Variants in LEMD1 observed in about 807,000 individuals in gnomAD.
The protein encoded by LEMD1 is LEM domain-containing protein 1.
A neutral mutation model predicts 17.4 loss-of-function variants in LEMD1; 18 were observed. The ratio of observed to expected loss-of-function variants is 1.04; its 90% CI spans 0.72 to 1.54. The LOEUF (loss-of-function observed/expected upper bound fraction) is 1.54. Among genes scored for constraint, LEMD1 ranks in the 40% most tolerant of loss-of-function variants. The pLI is 0.00. For missense variants in LEMD1, 195 were observed against 210.4 expected (o/e 0.93, Z 0.45); for synonymous variants, 88 against 77.8 (o/e 1.13, Z -0.69).
chr1:205,408,979 AG>A (rs1291064737), intron 4 of LEMD1, among the ~76,000 whole-genome samples: 1 of 152,022 alleles, frequency 6.6e-6, no homozygotes, highest in African/African-American at 2.4e-5. Flanking sequence ...CTGAGACCAC[AG>A]GTGTGCACCA....
chr1:205,405,390 CT>C (rs1255909543), intron 4 of LEMD1, among the ~76,000 whole-genome samples: 2 of 145,998 alleles, frequency 1.4e-5, no homozygotes, highest in Non-Finnish European at 3.0e-5. Flanking sequence ...TTCTTGGAGG[CT>C]TTGTTCGTTT....
intron 1 of LEMD1, among the ~76,000 whole-genome samples, chr1:205,420,817 G>T (rs549269859): frequency 6.6e-6 from 1 of 152,136 alleles, no homozygotes; most frequent in African/African-American, 2.4e-5. Flanking sequence ...AGTTACAACT[G>T]TTCTGTTCAA....
intron 4 of LEMD1, among the ~76,000 whole-genome samples, chr1:205,397,488 A>C (rs746264251): frequency 5.3e-5 from 8 of 152,216 alleles, no homozygotes; most frequent in Non-Finnish European, 1.0e-4. Context: ...ACACACCTGT[A>C]GTCTTAGCTG....
At chr1:205,394,954 T>C (rs1664520400) in intron 4 of LEMD1, among the ~76,000 whole-genome samples, 1 of 151,156 alleles carries the variant, frequency 6.6e-6, no homozygotes, top group Non-Finnish European at 1.5e-5. Flanking sequence ...CCTACTGCAC[T>C]ACAGCCTGGG....
chr1:205,420,698 C>A, intron 1 of LEMD1, 124 bp from the exon 2 acceptor site: 3 of 597,598 alleles, frequency 5.0e-6, no homozygotes, highest in Non-Finnish European at 3.0e-6. Flanking sequence ...GGCAATAAAG[C>A]AAAAATCAAC....
intron 1 of LEMD1, among the ~76,000 whole-genome samples, chr1:205,427,497 GAGAGAGAGAGAC>G (rs1666072908): frequency 6.6e-6 from 1 of 151,682 alleles, no homozygotes; most frequent in African/African-American, 2.4e-5. Context: ...GAGAGAGAGA[GAGAGAGAGAGAC>G]AGAGAGAGAG....
At chr1:205,409,605 CT>C (rs55893508) in intron 4 of LEMD1, among the ~76,000 whole-genome samples, 44,995 of 145,482 alleles carry the variant, frequency 0.31, 6,763 homozygotes, top group African/African-American at 0.36. Context: ...GCTCTACAGT[CT>C]TTTTTTTTTT....
chr1:205,415,129 G>T (rs1029194498), intron 4 of LEMD1, among the ~76,000 whole-genome samples: 27 of 152,180 alleles, frequency 1.8e-4, no homozygotes, highest in African/African-American at 6.0e-4. Context: ...GCTGAAATGT[G>T]CATGGTCATT....
chr1:205,427,996 G>T (rs944737919), intron 1 of LEMD1, among the ~76,000 whole-genome samples: 1 of 152,216 alleles, frequency 6.6e-6, no homozygotes, highest in Non-Finnish European at 1.5e-5. Flanking sequence ...AGTATGGAAG[G>T]CAATTGGGTG....
intron 1 of LEMD1, among the ~76,000 whole-genome samples, chr1:205,442,454 C>A (rs1666310693): frequency 6.6e-6 from 1 of 152,190 alleles, no homozygotes; most frequent in South Asian, 2.1e-4. Flanking sequence ...GACAACCTTG[C>A]CCTTTTGGAA....
chr1:205,413,172 TTTTGCCA>T (rs1157822307), intron 4 of LEMD1, among the ~76,000 whole-genome samples: 4 of 152,208 alleles, frequency 2.6e-5, no homozygotes, highest in African/African-American at 9.6e-5. Flanking sequence ...AAACTAACCT[TTTTGCCA>T]TTGGAGCTGT....
At chr1:205,391,752 G>A (rs1347825963) in intron 4 of LEMD1, among the ~76,000 whole-genome samples, 1 of 152,164 alleles carries the variant, frequency 6.6e-6, no homozygotes, top group Non-Finnish European at 1.5e-5. Context: ...CAGCAAAGAG[G>A]CAGTGCCCCT....
At chr1:205,399,954 G>A (rs1245610768) in intron 4 of LEMD1, among the ~76,000 whole-genome samples, 3 of 152,240 alleles carry the variant, frequency 2.0e-5, no homozygotes, top group Admixed American at 2.0e-4. Flanking sequence ...GTGCTCTACA[G>A]ATGCTAAGGC....
chr1:205,410,290 T>G (rs1460771019), intron 4 of LEMD1, among the ~76,000 whole-genome samples: 1 of 152,148 alleles, frequency 6.6e-6, no homozygotes, highest in Non-Finnish European at 1.5e-5. Context: ...CATGATAGGA[T>G]CTATGCCTTT....
At chr1:205,436,991 T>A (rs1666219949) in intron 1 of LEMD1, 1 of 152,540 alleles carries the variant, frequency 6.6e-6, no homozygotes, top group Admixed American at 6.5e-5. Context: ...GGAGGCAATT[T>A]GCCAAGGTCA....
chr1:205,423,430 A>G (rs1208669533), upstream of LEMD1, among the ~76,000 whole-genome samples: 1 of 152,254 alleles, frequency 6.6e-6, no homozygotes, highest in African/African-American at 2.4e-5. Context: ...TCAACAAAAA[A>G]GCAGCCAGCA....
At chr1:205,413,106 A>T (rs1362859199) in intron 4 of LEMD1, among the ~76,000 whole-genome samples, 1 of 152,146 alleles carries the variant, frequency 6.6e-6, no homozygotes, top group African/African-American at 2.4e-5. Context: ...TTACTTGAAG[A>T]TTTCTTTTCA....
At chr1:205,406,567 G>C (rs1460463170) in intron 4 of LEMD1, among the ~76,000 whole-genome samples, 1 of 151,884 alleles carries the variant, frequency 6.6e-6, no homozygotes, top group African/African-American at 2.4e-5. Flanking sequence ...GAAAAGCGCA[G>C]TATTCGAGTG....
At chr1:205,409,705 A>G (rs1393949264) in intron 4 of LEMD1, among the ~76,000 whole-genome samples, 2 of 152,044 alleles carry the variant, frequency 1.3e-5, no homozygotes, top group Non-Finnish European at 2.9e-5. Context: ...AGCTCAAGCA[A>G]TCCTCCTGCC....
Sources: allele counts gnomAD v4.1 joint callset (sites outside exome capture counted in the v4.1 genomes callset), GRCh38; gene constraint gnomAD v4.1.1; transcripts MANE v1.5; gene names NCBI Gene and HGNC (gene_info 2026-07-23, HGNC 2026-07-21).